The following MAGI1 variants were observed in gnomAD, a reference collection of about 807,000 sequenced individuals.
MAGI1 encodes the protein membrane-associated guanylate kinase, WW and PDZ domain-containing protein 1.
A neutral mutation model predicts 139.9 loss-of-function variants in MAGI1; 58 were observed. The observed-to-expected ratio is 0.41, with a 90% CI of 0.34 to 0.52. MAGI1 has a LOEUF of 0.52. Ranked by LOEUF, MAGI1 falls within the 20% of genes least tolerant of loss-of-function variation. MAGI1 has a pLI of 0.12. For missense variants in MAGI1, 1,874 were observed against 1,901.6 expected, an observed-to-expected ratio of 0.99 and a Z score of 0.27; for synonymous variants, 812 against 737.9, an observed-to-expected ratio of 1.10 and a Z score of -1.63.
intron 1 of MAGI1, among the ~76,000 whole-genome samples, chr3:65,711,592 T>C (rs888030428): frequency 2.6e-5 from 4 of 152,208 alleles, no homozygotes; most frequent in African/African-American, 4.8e-5. Flanking sequence ...TGTATTTACA[T>C]AGGCCCTTTA....
intron 2 of MAGI1, among the ~76,000 whole-genome samples, chr3:65,502,728 T>C (rs974886957): frequency 1.3e-5 from 2 of 152,166 alleles, no homozygotes; most frequent in African/African-American, 4.8e-5. Flanking sequence ...AATTAACTCC[T>C]AAAGGCTCCT....
In MAGI1 at chr3:65,808,733, T is replaced by C. The variant is rs987385895; in HGVS notation, c.314-186645A>G. Among the ~76,000 whole-genome samples the C allele has an allele frequency of 1.2e-4, 19 of 152,232 alleles. No individual in the cohort carries two copies. The South Asian group carries it at 3.5e-3, about 28-fold the overall frequency. The stretch of plus-strand genomic sequence containing the variant: ...CATCATTCTCCACCCACCTCACAAA[T>C]TGGGGACCATTCTGCTCTTCCGTCA... On this transcript the variant is annotated intron_variant, in intron 1 of 22. Coordinates refer to ENST00000402939, the MANE Select transcript of MAGI1 (RefSeq NM_001033057.2).
At chr3:66,006,706 A>G (rs1442289903) in intron 1 of MAGI1, among the ~76,000 whole-genome samples, 1 of 152,238 alleles carries the variant, frequency 6.6e-6, no homozygotes, top group Non-Finnish European at 1.5e-5. Context: ...AAACATATCA[A>G]CACACAGACA....
At chr3:65,748,090 A>C (rs2035849787) in intron 1 of MAGI1, among the ~76,000 whole-genome samples, 2 of 152,210 alleles carry the variant, frequency 1.3e-5, no homozygotes, top group Admixed American at 1.3e-4. Flanking sequence ...TAAGAGGGAC[A>C]AGGAAAACCT....
At chr3:65,537,779 C>T (rs577917058) in intron 2 of MAGI1, among the ~76,000 whole-genome samples, 1 of 152,146 alleles carries the variant, frequency 6.6e-6, no homozygotes, top group South Asian at 2.1e-4. Flanking sequence ...GTTCCCCAAC[C>T]CCCTGAAAAT....
intron 2 of MAGI1, among the ~76,000 whole-genome samples, chr3:65,515,136 A>G (rs1196783238): frequency 1.7e-5 from 2 of 117,894 alleles, no homozygotes; most frequent in Non-Finnish European, 3.3e-5. Flanking sequence ...AGGAAGGGGA[A>G]TATCACACTC....
intron 1 of MAGI1, among the ~76,000 whole-genome samples, chr3:65,655,972 C>A (rs1486580732): frequency 6.6e-6 from 1 of 152,170 alleles, no homozygotes; most frequent in Non-Finnish European, 1.5e-5. Flanking sequence ...CAAATCTTGG[C>A]TACATCTTGA....
intron 10 of MAGI1, among the ~76,000 whole-genome samples, chr3:65,434,997 C>G (rs1037708084): frequency 6.6e-6 from 1 of 152,194 alleles, no homozygotes; most frequent in African/African-American, 2.4e-5. Flanking sequence ...CTAGTACTTT[C>G]TCTCTCTACT....
At chr3:65,411,014 C>G (rs1306284126) in intron 12 of MAGI1, among the ~76,000 whole-genome samples, 1 of 152,134 alleles carries the variant, frequency 6.6e-6, no homozygotes, top group Non-Finnish European at 1.5e-5. Flanking sequence ...ATGGCATCTT[C>G]TCTCCAGAAA....
chr3:65,601,060 G>C (rs113639978), intron 2 of MAGI1, among the ~76,000 whole-genome samples: 3 of 152,298 alleles, frequency 2.0e-5, no homozygotes, highest in African/African-American at 4.8e-5. Flanking sequence ...ACTTAGATCT[G>C]AGTTCCCGGC....
intron 22 of MAGI1, chr3:65,360,192 G>A (rs1381876711): frequency 5.1e-6 from 5 of 985,122 alleles, no homozygotes; most frequent in Non-Finnish European, 6.0e-6. Context: ...ATGCAACTGA[G>A]AATTGTGCAG....
At chr3:65,817,129 G>C (rs1197036581) in intron 1 of MAGI1, among the ~76,000 whole-genome samples, 1 of 151,976 alleles carries the variant, frequency 6.6e-6, no homozygotes, top group Non-Finnish European at 1.5e-5. Context: ...CCTGTGTACC[G>C]AGCTATTATA....
intron 1 of MAGI1, among the ~76,000 whole-genome samples, chr3:65,871,441 C>G (rs771584942): frequency 1.3e-5 from 2 of 152,092 alleles, no homozygotes; most frequent in Non-Finnish European, 2.9e-5. Flanking sequence ...AGCCAGCCAG[C>G]TGAAAGCACA....
chr3:65,499,586 G>A (rs1384423269), intron 2 of MAGI1, among the ~76,000 whole-genome samples: 1 of 151,884 alleles, frequency 6.6e-6, no homozygotes, highest in African/African-American at 2.4e-5. Flanking sequence ...TTGCGCCACT[G>A]CACTCCAGCC....
At chr3:65,881,515 T>C (rs910073000) in intron 1 of MAGI1, among the ~76,000 whole-genome samples, 2 of 151,958 alleles carry the variant, frequency 1.3e-5, no homozygotes, top group African/African-American at 4.8e-5. Flanking sequence ...TAGTCCCAGA[T>C]ACTCAGGAGG....
chr3:65,461,240 G>C (rs1394433715), intron 5 of MAGI1, among the ~76,000 whole-genome samples: 2 of 151,836 alleles, frequency 1.3e-5, no homozygotes, highest in Non-Finnish European at 2.9e-5. Flanking sequence ...TTTTGCGATG[G>C]AGTCTTGCTC....
chr3:65,651,166 G>A (rs2107312611), intron 1 of MAGI1, among the ~76,000 whole-genome samples: 1 of 152,100 alleles, frequency 6.6e-6, no homozygotes, highest in East Asian at 1.9e-4. Context: ...TTTGCCCACT[G>A]CTCTTCTAGG....
intron 1 of MAGI1, among the ~76,000 whole-genome samples, chr3:65,746,400 T>C (rs925323293): frequency 2.0e-5 from 3 of 152,230 alleles, no homozygotes; most frequent in African/African-American, 4.8e-5. Context: ...TGTTTCTATA[T>C]AGGATGATAA....
chr3:65,953,317 A>T (rs2063955730), intron 1 of MAGI1, among the ~76,000 whole-genome samples: 2 of 152,170 alleles, frequency 1.3e-5, no homozygotes, highest in South Asian at 4.1e-4. Context: ...TTCATGAGGA[A>T]AAACAAAGCT....
Sources: gnomAD v4.1 joint callset for allele counts (sites outside exome capture counted in the v4.1 genomes callset) on GRCh38, gnomAD v4.1.1 for gene constraint, MANE v1.5 for transcripts, NCBI Gene and HGNC (gene_info 2026-07-23, HGNC 2026-07-21) for gene names.